RRAGD: variants seen among roughly 807,000 people sequenced by gnomAD.
The protein encoded by RRAGD is ras-related GTP-binding protein D.
Under a neutral mutation model 35.5 loss-of-function variants are expected in RRAGD, and 12 were observed. That is an observed-to-expected ratio of 0.34 (90% CI 0.22 to 0.55). The LOEUF (loss-of-function observed/expected upper bound fraction) is 0.55. Among genes scored for constraint, RRAGD ranks in the 20% least tolerant of loss-of-function variants. RRAGD has a pLI of 0.91. For missense variants in RRAGD, 324 were observed against 490.1 expected, an observed-to-expected ratio of 0.66 and a Z score of 3.20; for synonymous variants, 155 against 178.9, an observed-to-expected ratio of 0.87 and a Z score of 1.07.
intron 5 of RRAGD, among the ~76,000 whole-genome samples, chr6:89,374,730 C>CAA (rs879770049): frequency 1.5e-5 from 2 of 130,952 alleles, no homozygotes; most frequent in Admixed American, 1.6e-4. Flanking sequence ...AACTCCATCT[C>CAA]AAAAAAAAAA....
chr6:89,401,766 C>A (rs963275264), intron 1 of RRAGD, among the ~76,000 whole-genome samples: 1 of 152,192 alleles, frequency 6.6e-6, no homozygotes, highest in African/African-American at 2.4e-5. Flanking sequence ...CTAAATCAGG[C>A]ACTATCACTT....
chr6:89,397,213 A>G (rs1562461727), intron 1 of RRAGD, among the ~76,000 whole-genome samples: 1 of 151,444 alleles, frequency 6.6e-6, no homozygotes, highest in East Asian at 2.1e-4. Flanking sequence ...GACAGCTAAA[A>G]TTAGGAAGAA....
At chr6:89,387,620 T>C in intron 1 of RRAGD, 30 bp from the exon 2 acceptor site, 1 of 1,585,464 alleles carries the variant, frequency 6.3e-7, no homozygotes, top group Non-Finnish European at 8.6e-7. Flanking sequence ...AGAATGAAGG[T>C]GAGATGCTTT....
chr6:89,368,276 T>G, intron 6 of RRAGD, 69 bp from the exon 7 acceptor site: 3 of 1,475,550 alleles, frequency 2.0e-6, no homozygotes, highest in Admixed American at 1.9e-5. Context: ...ATGGGACCCA[T>G]GGCCAGGACA....
chr6:89,388,899 A>G (rs1201189279), intron 1 of RRAGD, among the ~76,000 whole-genome samples: 2 of 152,204 alleles, frequency 1.3e-5, no homozygotes, highest in Admixed American at 6.5e-5. Flanking sequence ...GGAGCGTGCA[A>G]CCTAAATCCC....
intron 2 of RRAGD, among the ~76,000 whole-genome samples, chr6:89,385,876 C>T (rs1347937261): frequency 2.0e-5 from 3 of 152,164 alleles, no homozygotes; most frequent in Admixed American, 2.0e-4. Context: ...CACCTAGATC[C>T]TGAATGAACT....
intron 1 of RRAGD, among the ~76,000 whole-genome samples, chr6:89,399,691 G>A (rs1769415355): frequency 1.3e-5 from 2 of 151,978 alleles, no homozygotes; most frequent in South Asian, 2.1e-4. Context: ...GAGATAGGAG[G>A]ATCACCTGAG....
At chr6:89,389,278 C>T (rs368854156) in intron 1 of RRAGD, among the ~76,000 whole-genome samples, 1 of 151,980 alleles carries the variant, frequency 6.6e-6, no homozygotes, top group East Asian at 1.9e-4. Flanking sequence ...GTTGGTGGGC[C>T]GGGCGCATGG....
At chr6:89,398,809 C>T (rs1439787721) in intron 1 of RRAGD, among the ~76,000 whole-genome samples, 2 of 152,208 alleles carry the variant, frequency 1.3e-5, no homozygotes, top group Non-Finnish European at 2.9e-5. Context: ...ACAGCCTTCA[C>T]CACCTAGAGC....
chr6:89,397,724 T>C (rs1434965612), intron 1 of RRAGD, among the ~76,000 whole-genome samples: 1 of 152,192 alleles, frequency 6.6e-6, no homozygotes, highest in Non-Finnish European at 1.5e-5. Flanking sequence ...TTGATACACA[T>C]AACCTGGATG....
intron 1 of RRAGD, among the ~76,000 whole-genome samples, chr6:89,402,815 G>GA (rs1400310629): frequency 1.3e-5 from 2 of 152,198 alleles, no homozygotes; most frequent in Non-Finnish European, 2.9e-5. Context: ...CTCGTTGGGT[G>GA]AAAGTGAGGG....
Position 89,392,537 on chromosome 6 carries a change from T to C in RRAGD, c.149-4947A>G, listed in dbSNP as rs528612561. Among the ~76,000 whole-genome samples the C allele has an allele frequency of 3.5e-4, 53 of 152,068 alleles. No homozygotes were observed. The South Asian group carries it at 0.011, about 32-fold the overall frequency. On this transcript the variant is annotated intron_variant, in intron 1 of 6. Coordinates refer to ENST00000369415, the MANE Select transcript of RRAGD (RefSeq NM_021244.5). ...ATGTATATACATTAAATTATTTTCC[T>C]AAATTTCTTATTTCCTTCTTAACTA... is the stretch of plus-strand genomic sequence containing the variant.
At chr6:89,404,276 C>A (rs1769536959) in intron 1 of RRAGD, among the ~76,000 whole-genome samples, 1 of 152,198 alleles carries the variant, frequency 6.6e-6, no homozygotes, top group Admixed American at 6.5e-5. Flanking sequence ...ACTGAGGCCT[C>A]AGTGCTTACC....
At chr6:89,375,972 A>C (rs535600126) in intron 5 of RRAGD, among the ~76,000 whole-genome samples, 1 of 152,362 alleles carries the variant, frequency 6.6e-6, no homozygotes, top group South Asian at 2.1e-4. Context: ...ATGATCATGC[A>C]CATTGTTAAG....
Position 89,368,136 on chromosome 6 carries a change from C to T in RRAGD, c.1123G>A (p.Val375Ile). 1 of 1,613,964 alleles carries T rather than the reference C, an allele frequency of 6.2e-7. No individual in the cohort carries two copies. The highest frequency in any genetic ancestry group is 8.5e-7 in the Non-Finnish European group (1 of 1,179,904). Residue 375 changes from valine (V) to isoleucine (I), a missense_variant, in exon 7 of 7, where the codon GTA becomes ATA. Coordinates refer to ENST00000369415, the MANE Select transcript of RRAGD (RefSeq NM_021244.5). ...CGATTCTGAACCTTTCGAGATTTTA[C>T]TACTTTCATTCTCACCTCAAAAACT... ...HEVFEVRMKVVKSRKVQNRLQ... is the reference protein window; with the variant it reads ...HEVFEVRMKVIKSRKVQNRLQ...
At chr6:89,401,403 G>A (rs963155850) in intron 1 of RRAGD, among the ~76,000 whole-genome samples, 9 of 151,940 alleles carry the variant, frequency 5.9e-5, no homozygotes, top group Non-Finnish European at 8.8e-5. Flanking sequence ...GATTACGGGC[G>A]CCTGACACCA....
At chr6:89,385,673 T>C (rs990217993) in intron 2 of RRAGD, among the ~76,000 whole-genome samples, 8 of 152,068 alleles carry the variant, frequency 5.3e-5, no homozygotes, top group African/African-American at 1.9e-4. Flanking sequence ...GGTAGGCCCA[T>C]GGGAAGAGAG....
chr6:89,399,129 G>T (rs1328219268), intron 1 of RRAGD, among the ~76,000 whole-genome samples: 1 of 152,166 alleles, frequency 6.6e-6, no homozygotes, highest in East Asian at 1.9e-4. Context: ...CTCCAGCAGG[G>T]TCTGTAAGTC....
Position 89,379,245 on chromosome 6 carries a change from A to G in RRAGD, c.738T>C (p.Asn246=). Residue 246 remains asparagine, a synonymous_variant, in exon 4 of 7, where the codon AAT becomes AAC. Coordinates refer to ENST00000369415, the MANE Select transcript of RRAGD (RefSeq NM_021244.5). ...KLIPQLPTLE[N]LLNIFISNSG... ...TTACTGAGATAAAGATGTTCAGCAAATTCTCCAGAGTTGGGAGTTGTGGAA... is the reference window on the plus strand; with the variant it reads ...TTACTGAGATAAAGATGTTCAGCAAGTTCTCCAGAGTTGGGAGTTGTGGAA... The G allele has an allele frequency of 6.3e-7, 1 of 1,589,500 alleles. No individual in the cohort carries two copies. Among genetic ancestry groups the G allele is most frequent in the Non-Finnish European group, 8.6e-7 (1 of 1,162,902 alleles).
Sources: gnomAD v4.1 joint callset for allele counts (sites outside exome capture counted in the v4.1 genomes callset) on GRCh38, gnomAD v4.1.1 for gene constraint, MANE v1.5 for transcripts, NCBI Gene and HGNC (gene_info 2026-07-23, HGNC 2026-07-21) for gene names.